SLC4A4: variants seen among roughly 807,000 people sequenced by gnomAD.
SLC4A4 encodes the protein electrogenic sodium bicarbonate cotransporter 1.
In SLC4A4, 27 loss-of-function variants were observed where a neutral mutation model predicts 111.5. That is an observed-to-expected ratio of 0.24 (90% CI 0.18 to 0.33). The LOEUF (loss-of-function observed/expected upper bound fraction) is 0.33, where lower values mean the gene tolerates loss of function less well. Ranked by LOEUF, SLC4A4 falls within the 10% of genes least tolerant of loss-of-function variation. SLC4A4 has a pLI of 1.00. For missense variants in SLC4A4, 909 were observed against 1,315.5 expected (o/e 0.69, Z 4.78); for synonymous variants, 443 against 463.4 (o/e 0.96, Z 0.57).
At chr4:71,254,521 G>T (rs146237668) in intron 2 of SLC4A4, among the ~76,000 whole-genome samples, 2 of 151,972 alleles carry the variant, frequency 1.3e-5, no homozygotes, top group Non-Finnish European at 2.9e-5. Context: ...AATGAGAATG[G>T]CACTGTAGCT....
rs533374368 is a variant in SLC4A4, at chr4:71,371,496, G to A, written c.730+14309G>A. On this transcript the variant is annotated intron_variant, in intron 6 of 25. Transcript: ENST00000264485. ...TGACCTCAGGTGATCCACCCGCCTC[G>A]GCCTCCCAAAGCTCTGGGATTACAG... Among the ~76,000 whole-genome samples the A allele has an allele frequency of 1.6e-4, 24 of 151,812 alleles. 1 individual carries two copies. Among genetic ancestry groups the A allele is most frequent in the African/African-American group, 4.1e-4 (17 of 41,400 alleles).
intron 2 of SLC4A4, among the ~76,000 whole-genome samples, 181 bp from the exon 3 acceptor site, chr4:71,255,039 C>T (rs1231668766): frequency 1.3e-5 from 2 of 152,114 alleles, no homozygotes; most frequent in Non-Finnish European, 2.9e-5. Context: ...CAGCCACTAG[C>T]TTGAATTATA....
intron 6 of SLC4A4, among the ~76,000 whole-genome samples, chr4:71,387,675 G>A (rs1380606253): frequency 6.6e-6 from 1 of 151,968 alleles, no homozygotes; most frequent in African/African-American, 2.4e-5. Context: ...TATATTTTTA[G>A]TAGAGACGGA....
chr4:71,170,844 G>A (rs1560756678), intron 2 of SLC4A4, among the ~76,000 whole-genome samples: 1 of 152,122 alleles, frequency 6.6e-6, no homozygotes, highest in African/African-American at 2.4e-5. Context: ...ATATTGATTA[G>A]GCCAACATTT....
At chr4:71,529,780 C>G (rs935795506) in intron 16 of SLC4A4, among the ~76,000 whole-genome samples, 6 of 152,094 alleles carry the variant, frequency 3.9e-5, no homozygotes, top group African/African-American at 1.4e-4. Flanking sequence ...TCTCTTCTTT[C>G]GAACAACTTA....
intron 8 of SLC4A4, among the ~76,000 whole-genome samples, 163 bp from the exon 9 acceptor site, chr4:71,447,483 C>T (rs1040785275): frequency 3.0e-4 from 45 of 152,094 alleles, no homozygotes; most frequent in Non-Finnish European, 2.4e-4. Context: ...TGCAATAGTG[C>T]GAAAGAGTAT....
chr4:71,254,384 G>A (rs1318668661), intron 2 of SLC4A4, among the ~76,000 whole-genome samples: 1 of 152,002 alleles, frequency 6.6e-6, no homozygotes, highest in East Asian at 1.9e-4. Context: ...TCCATCTAGA[G>A]AGCTGAAAGC....
chr4:71,357,013 A>G lies in SLC4A4; in HGVS notation c.556A>G (p.Ile186Val). The G allele has an allele frequency of 6.2e-7, 1 of 1,613,900 alleles. No homozygotes were observed. The highest frequency in any genetic ancestry group is 8.5e-7 in the Non-Finnish European group (1 of 1,179,892). ...ASSLPQLVEM[I>V]VDHQIETGLL... ...TGCTTTTGTTTTTGTACCAGAGATG[A>G]TTGTTGACCATCAGATTGAGACAGG... Residue 186 changes from isoleucine (I) to valine (V), a missense_variant, in exon 6 of 26, where the codon ATT becomes GTT. Transcript: ENST00000264485.
intron 6 of SLC4A4, among the ~76,000 whole-genome samples, chr4:71,379,790 C>T (rs1717929998): frequency 6.6e-6 from 1 of 152,054 alleles, no homozygotes; most frequent in Non-Finnish European, 1.5e-5. Flanking sequence ...ACGAATTTCT[C>T]AAATTCATCT....
intron 13 of SLC4A4, among the ~76,000 whole-genome samples, chr4:71,471,320 G>C (rs1229991367): frequency 6.6e-6 from 1 of 151,954 alleles, no homozygotes; most frequent in Non-Finnish European, 1.5e-5. Context: ...ATTTAAGCTA[G>C]GGTGTCTGAC....
At chr4:71,378,178 G>A (rs555486099) in intron 6 of SLC4A4, among the ~76,000 whole-genome samples, 174 of 152,280 alleles carry the variant, frequency 1.1e-3, no homozygotes, top group Non-Finnish European at 1.8e-3. Flanking sequence ...ATCATACCAT[G>A]TGTCCACATC....
intron 2 of SLC4A4, among the ~76,000 whole-genome samples, chr4:71,124,684 A>C (rs1743518191): frequency 6.6e-6 from 1 of 152,174 alleles, no homozygotes; most frequent in South Asian, 2.1e-4. Flanking sequence ...TGCTAAAATT[A>C]TTTACCAAAA....
chr4:71,390,754 G>C (rs954642811), intron 6 of SLC4A4, among the ~76,000 whole-genome samples: 2 of 152,044 alleles, frequency 1.3e-5, no homozygotes, highest in Non-Finnish European at 2.9e-5. Context: ...AAGTTTATGT[G>C]TTTATGCAAA....
chr4:71,139,246 C>T (rs1743937192), intron 2 of SLC4A4, among the ~76,000 whole-genome samples: 1 of 150,786 alleles, frequency 6.6e-6, no homozygotes, highest in African/African-American at 2.4e-5. Flanking sequence ...ACCTCACTCC[C>T]ACTTAGCAAC....
intron 18 of SLC4A4, among the ~76,000 whole-genome samples, chr4:71,539,155 C>G (rs1009209816): frequency 6.6e-6 from 1 of 151,964 alleles, no homozygotes; most frequent in African/African-American, 2.4e-5. Context: ...TTTTGCCCTA[C>G]TTTCATTTTT....
intron 3 of SLC4A4, among the ~76,000 whole-genome samples, chr4:71,267,576 C>A (rs575950317): frequency 7.9e-5 from 12 of 152,058 alleles, no homozygotes; most frequent in African/African-American, 2.9e-4. Flanking sequence ...GGGTGGATCA[C>A]CCGAGGTCAA....
chr4:71,195,806 C>T (rs1166267119), intron 1 of SLC4A4, among the ~76,000 whole-genome samples: 2 of 152,232 alleles, frequency 1.3e-5, no homozygotes, highest in Non-Finnish European at 2.9e-5. Flanking sequence ...GACAATTAAA[C>T]TATCTAAACT....
intron 6 of SLC4A4, among the ~76,000 whole-genome samples, chr4:71,383,908 G>A (rs941664434): frequency 3.9e-5 from 6 of 152,070 alleles, no homozygotes; most frequent in South Asian, 4.1e-4. Context: ...CCGCTCTGTC[G>A]CCTTCCAGTC....
intron 21 of SLC4A4, among the ~76,000 whole-genome samples, chr4:71,555,487 C>T (rs189464997): frequency 5.5e-4 from 83 of 151,948 alleles, no homozygotes; most frequent in African/African-American, 1.4e-3. Flanking sequence ...TTTTCCTTCC[C>T]CTTACCCATC....
Sources: allele counts gnomAD v4.1 joint callset (sites outside exome capture counted in the v4.1 genomes callset), GRCh38; gene constraint gnomAD v4.1.1; transcripts MANE v1.5; gene names NCBI Gene and HGNC (gene_info 2026-07-23, HGNC 2026-07-21).